Variants in RBKS observed in about 807,000 individuals in gnomAD.
The protein encoded by RBKS is ribokinase.
In RBKS, 33 loss-of-function variants were observed where a neutral mutation model predicts 33.9. The observed-to-expected ratio is 0.97, with a 90% CI of 0.74 to 1.30. RBKS has a LOEUF of 1.30. RBKS is among the 50% of genes most tolerant of loss of function. The pLI is 0.00. For missense variants in RBKS, 361 were observed against 392.6 expected, an observed-to-expected ratio of 0.92 and a Z score of 0.68; for synonymous variants, 125 against 143.0, an observed-to-expected ratio of 0.87 and a Z score of 0.90.
chr2:27,802,928 A>G (rs1677828699), intron 7 of RBKS, among the ~76,000 whole-genome samples: 1 of 152,232 alleles, frequency 6.6e-6, no homozygotes, highest in South Asian at 2.1e-4. Context: ...CATTAGGCAC[A>G]GTGCCGCTTA....
intron 7 of RBKS, among the ~76,000 whole-genome samples, chr2:27,785,559 T>C (rs1435818596): frequency 6.6e-6 from 1 of 151,786 alleles, no homozygotes; most frequent in Non-Finnish European, 1.5e-5. Context: ...GGTCAGGAGT[T>C]CAAGACCAGC....
intron 1 of RBKS, among the ~76,000 whole-genome samples, chr2:27,881,498 G>T (rs1664416382): frequency 6.6e-6 from 1 of 150,936 alleles, no homozygotes; most frequent in Non-Finnish European, 1.5e-5. Flanking sequence ...CCAAGATTGT[G>T]CCACTACACT....
intron 7 of RBKS, among the ~76,000 whole-genome samples, chr2:27,807,056 A>G (rs988681446): frequency 1.3e-5 from 2 of 152,236 alleles, no homozygotes; most frequent in African/African-American, 4.8e-5. Flanking sequence ...CCAATGGGCA[A>G]CTGTAAAGAA....
chr2:27,884,945 A>T (rs541347319), intron 1 of RBKS, among the ~76,000 whole-genome samples: 1 of 152,312 alleles, frequency 6.6e-6, no homozygotes, highest in South Asian at 2.1e-4. Flanking sequence ...CAGTGATCTC[A>T]TCCAGCCTCA....
chr2:27,814,073 C>T (rs1678042377), intron 7 of RBKS, among the ~76,000 whole-genome samples: 1 of 151,530 alleles, frequency 6.6e-6, no homozygotes, highest in Non-Finnish European at 1.5e-5. Context: ...AAAAAAAAAT[C>T]AGCTGGGCAT....
chr2:27,883,810 A>G (rs989062538), intron 1 of RBKS, among the ~76,000 whole-genome samples: 4 of 139,518 alleles, frequency 2.9e-5, no homozygotes, highest in Non-Finnish European at 4.7e-5. Context: ...ATCCTCCCAC[A>G]TCGGCCTCCC....
chr2:27,799,366 G>A (rs1424330046), intron 7 of RBKS, among the ~76,000 whole-genome samples: 2 of 152,170 alleles, frequency 1.3e-5, no homozygotes, highest in Non-Finnish European at 2.9e-5. Flanking sequence ...CGCTGAATGA[G>A]TCACTACCCA....
At chr2:27,868,111 C>T (rs942393962) in intron 1 of RBKS, among the ~76,000 whole-genome samples, 1 of 152,126 alleles carries the variant, frequency 6.6e-6, no homozygotes, top group African/African-American at 2.4e-5. Context: ...ATCTGGGTTA[C>T]ATCTTTTTGC....
At chr2:27,823,298 A>G (rs1678247339) in intron 7 of RBKS, among the ~76,000 whole-genome samples, 1 of 152,262 alleles carries the variant, frequency 6.6e-6, no homozygotes, top group Non-Finnish European at 1.5e-5. Context: ...TAGAAGTGAT[A>G]TATTCAACTA....
At chr2:27,883,065 ACCT>A (rs1664449483) in intron 1 of RBKS, among the ~76,000 whole-genome samples, 1 of 152,176 alleles carries the variant, frequency 6.6e-6, no homozygotes, top group African/African-American at 2.4e-5. Flanking sequence ...TATATAACAA[ACCT>A]GCACATGTAC....
At chr2:27,886,357 A>C (rs1446066380) in intron 1 of RBKS, among the ~76,000 whole-genome samples, 1 of 152,238 alleles carries the variant, frequency 6.6e-6, no homozygotes, top group Non-Finnish European at 1.5e-5. Context: ...GTGATACTAA[A>C]GAATAGGCAT....
At chr2:27,818,123 G>A (rs887440864) in intron 7 of RBKS, among the ~76,000 whole-genome samples, 11 of 152,072 alleles carry the variant, frequency 7.2e-5, no homozygotes, top group Non-Finnish European at 1.5e-4. Flanking sequence ...CCTGGTCTAC[G>A]CTACCTGGTA....
Position 27,806,424 on chromosome 2 carries a change from C to T in RBKS, c.795+21143G>A, listed in dbSNP as rs72810516. ...CCAGAATTCTGCCTGCAGAGTGTGA[C>T]ATGACTTTCAGTTTTCCACAGCACT... On this transcript the variant is annotated intron_variant, in intron 7 of 7. Coordinates refer to ENST00000302188, the MANE Select transcript of RBKS (RefSeq NM_022128.3). Among the ~76,000 whole-genome samples the T allele has an allele frequency of 8.9e-3, 1,348 of 152,294 alleles. 15 individuals are homozygous for T. Among genetic ancestry groups the T allele is most frequent in the South Asian group, 0.047 (226 of 4,822 alleles).
chr2:27,880,420 C>A (rs897087369), intron 1 of RBKS, among the ~76,000 whole-genome samples: 3 of 152,114 alleles, frequency 2.0e-5, no homozygotes, highest in Non-Finnish European at 4.4e-5. Flanking sequence ...AAGTCCTTGC[C>A]AGAGTAACCA....
Position 27,843,100 on chromosome 2 carries a change from A to G in RBKS, c.481T>C (p.Leu161=), listed in dbSNP as rs745591332. 1.2e-6 allele frequency: 2 copies of G among 1,607,852 alleles called. No individual in the cohort carries two copies. Among genetic ancestry groups the G allele is most frequent in the Non-Finnish European group, 1.7e-6 (2 of 1,176,788 alleles). ...CTGCGGGCCATTGTTAGGGCTTCCA[A>G]AGAAGTTGCTGGAGTTATTTCGAGC... ...CQLEITPATS[L]EALTMARRSG... Residue 161 remains leucine (L), a synonymous_variant, in exon 5 of 8, where the codon TTG becomes CTG. Coordinates refer to ENST00000302188, the MANE Select transcript of RBKS (RefSeq NM_022128.3).
At chr2:27,794,314 T>TAATAAC (rs1677596268) in intron 7 of RBKS, among the ~76,000 whole-genome samples, 1 of 120,572 alleles carries the variant, frequency 8.3e-6, no homozygotes, top group African/African-American at 4.4e-5. Flanking sequence ...AAAATAATAA[T>TAATAAC]AATAATAATA....
At chr2:27,835,733 C>T (rs1678506099) in intron 5 of RBKS, among the ~76,000 whole-genome samples, 2 of 151,690 alleles carry the variant, frequency 1.3e-5, no homozygotes, top group African/African-American at 2.4e-5. Flanking sequence ...CCTACCTCCC[C>T]TTTTTAATAA....
At chr2:27,811,343 T>A (rs934904197) in intron 7 of RBKS, among the ~76,000 whole-genome samples, 2 of 152,200 alleles carry the variant, frequency 1.3e-5, no homozygotes, top group African/African-American at 4.8e-5. Flanking sequence ...GGCATACCAG[T>A]GTATATCCAC....
intron 7 of RBKS, among the ~76,000 whole-genome samples, chr2:27,819,855 G>A (rs1191004762): frequency 6.6e-6 from 1 of 152,186 alleles, no homozygotes; most frequent in African/African-American, 2.4e-5. Context: ...GTTTTCTGAG[G>A]AATGGTTTCT....
Sources: allele counts gnomAD v4.1 joint callset (sites outside exome capture counted in the v4.1 genomes callset), GRCh38; gene constraint gnomAD v4.1.1; transcripts MANE v1.5; gene names NCBI Gene and HGNC (gene_info 2026-07-23, HGNC 2026-07-21).